The following RRM2 variants were observed in gnomAD, a reference collection of about 807,000 sequenced individuals.
RRM2 encodes the protein ribonucleotide reductase regulatory subunit M2.
Under a neutral mutation model 45.9 loss-of-function variants are expected in RRM2, and 6 were observed. The ratio of observed to expected loss-of-function variants is 0.13; its 90% CI spans 0.07 to 0.26. The LOEUF is 0.26. Among genes scored for constraint, RRM2 ranks in the 10% least tolerant of loss-of-function variants. The pLI is 1.00. For missense variants in RRM2, 343 were observed against 489.5 expected, an observed-to-expected ratio of 0.70 and a Z score of 2.82; for synonymous variants, 177 against 173.0, an observed-to-expected ratio of 1.02 and a Z score of -0.18.
chr2:10,199,970 T>C (rs1037224861), intron 3 of RRM2, among the ~76,000 whole-genome samples: 13 of 151,800 alleles, frequency 8.6e-5, no homozygotes, highest in Non-Finnish European at 1.5e-5. Flanking sequence ...GTAGCTGGGA[T>C]TACAGGCATG....
chr2:10,204,056 T>A lies in RRM2; in HGVS notation n.483-6255T>A, dbSNP rs778306532. ...AGTCCTTGTGATTTTCTGAGCATAC[T>A]TTAGCCTTCTAGCACACTCCTCTCT... On this transcript the variant is annotated intron_variant and non_coding_transcript_variant, in intron 3 of 3. Transcript: ENST00000381786. The surrounding 1 kb of genome is among the most constrained non-coding windows in gnomAD (Gnocchi z 4.0). 6.6e-6 allele frequency among the ~76,000 whole-genome samples: 1 copy of A among 152,098 alleles called. No homozygotes were observed. Among genetic ancestry groups the A allele is most frequent in the Non-Finnish European group, 1.5e-5 (1 of 68,026 alleles).
At chr2:10,187,696 T>G (rs1664197601) in intron 3 of RRM2, among the ~76,000 whole-genome samples, 1 of 152,188 alleles carries the variant, frequency 6.6e-6, no homozygotes, top group African/African-American at 2.4e-5. Context: ...TGCCTACCTC[T>G]TGGGCTTGCC....
intron 3 of RRM2, chr2:10,210,255 G>T (rs571082807): frequency 8.3e-7 from 1 of 1,206,078 alleles, no homozygotes; most frequent in Non-Finnish European, 1.1e-6. Context: ...GAATTTGGGG[G>T]CATGGGTTGG....
In RRM2 at chr2:10,129,495, A is replaced by G. The variant is rs1662853020; in HGVS notation, c.*109A>G. ...ACACCATGAATTGTCCGTAATGTTC[A>G]TTAACAGCATCTTTAAAACTGTGTA... On this transcript the variant is annotated 3_prime_UTR_variant, in exon 10 of 10. Transcript: ENST00000304567. This position sits in a 1 kb window ranked among gnomAD's most constrained non-coding sequence, Gnocchi z 4.8. 6.2e-6 allele frequency: 7 copies of G among 1,120,332 alleles called. No individual in the cohort carries two copies. The South Asian group carries it at 1.1e-4, about 17-fold the overall frequency. The allele number at this position is 1,120,332 out of a possible 1,614,324, so 69.4% of individuals were successfully genotyped here. A position where few individuals can be genotyped will look rare whatever the true frequency, so the allele number is the denominator to read the frequency against.
At chr2:10,190,230 GTGA>G (rs1664260881) in intron 3 of RRM2, among the ~76,000 whole-genome samples, 1 of 150,652 alleles carries the variant, frequency 6.6e-6, no homozygotes, top group African/African-American at 2.4e-5. Flanking sequence ...GATAGTGATG[GTGA>G]TGATGGTGGT....
intron 3 of RRM2, among the ~76,000 whole-genome samples, chr2:10,166,793 G>A (rs114554324): frequency 0.01 from 1,587 of 152,304 alleles, 22 homozygotes; most frequent in African/African-American, 0.035. Flanking sequence ...CAGGCCCTGC[G>A]TCCCCGCCTG....
In RRM2 at chr2:10,195,301, G is replaced by A. The variant is rs1572530750; in HGVS notation, n.483-15010G>A. Among the ~76,000 whole-genome samples the A allele has an allele frequency of 6.6e-6, 1 of 152,160 alleles. No individual in the cohort carries two copies. Among genetic ancestry groups the A allele is most frequent in the East Asian group, 1.9e-4 (1 of 5,178 alleles). On this transcript the variant is annotated intron_variant and non_coding_transcript_variant, in intron 3 of 3. Transcript: ENST00000381786. This position sits in a 1 kb window ranked among gnomAD's most constrained non-coding sequence, Gnocchi z 4.9. ...GCTTCACAGAGGAGGCAGCGGCTCA[G>A]GTGGTCCCAGGAGGATGGGTGGGGT...
At chr2:10,140,188 A>G (rs1457172872), upstream of RRM2, among the ~76,000 whole-genome samples, 1 of 152,168 alleles carries the variant, frequency 6.6e-6, no homozygotes, top group Non-Finnish European at 1.5e-5. Flanking sequence ...CGGAGGTTGC[A>G]GTGAGCCGAG....
At position 10,150,157 on chromosome 2, in the gene RRM2, C is replaced by T. The variant is rs372600793; in HGVS notation, n.482+7782C>T. 5.7e-4 allele frequency among the ~76,000 whole-genome samples: 87 copies of T among 151,830 alleles called. 1 individual carries two copies. The highest frequency in any genetic ancestry group is 2.1e-3 in the African/African-American group (87 of 41,440). On this transcript the variant is annotated intron_variant and non_coding_transcript_variant, in intron 3 of 3. Transcript: ENST00000381786. ...GGTGAAACCCCATCTCTACTAAAAA[C>T]ACAAAATTAGCCGGGCGTGGTGGTG...
chr2:10,143,998 C>T (rs1195699249), intron 3 of RRM2, among the ~76,000 whole-genome samples: 1 of 152,242 alleles, frequency 6.6e-6, no homozygotes, highest in Non-Finnish European at 1.5e-5. Flanking sequence ...TCCTCCTCTC[C>T]CGTCTCCACC....
intron 1 of RRM2, 28 bp downstream of exon 1, chr2:10,122,925 C>T (rs2125305351): frequency 6.4e-7 from 1 of 1,555,468 alleles, no homozygotes; most frequent in East Asian, 2.3e-5. Flanking sequence ...GCGCTGCGGG[C>T]AGGGGAGGGA....
At chr2:10,167,218 A>C (rs1203260339) in intron 3 of RRM2, among the ~76,000 whole-genome samples, 1 of 152,152 alleles carries the variant, frequency 6.6e-6, no homozygotes, top group Non-Finnish European at 1.5e-5. Flanking sequence ...CCTGCCCCAT[A>C]AGAAGCGCTC....
chr2:10,137,982 C>T (rs2125310862), upstream of RRM2, among the ~76,000 whole-genome samples: 1 of 152,092 alleles, frequency 6.6e-6, no homozygotes. Flanking sequence ...CAGCAAAGGG[C>T]TGACTTTAGG....
rs1465296890 is a variant in RRM2, at chr2:10,189,071, C to G, written n.483-21240C>G. Among the ~76,000 whole-genome samples the G allele has an allele frequency of 2.0e-5, 3 of 152,186 alleles. No individual in the cohort carries two copies. In the East Asian group the frequency reaches 5.8e-4, roughly 29 times the overall value. On this transcript the variant is annotated intron_variant and non_coding_transcript_variant, in intron 3 of 3. Transcript: ENST00000381786. The stretch of plus-strand genomic sequence containing the variant: ...AGGGCACACAGGTAATCCTCCAGTT[C>G]TTGAATGGGGAATGGAGGCACAGGA...
chr2:10,180,109 G>T (rs911058844), intron 3 of RRM2, among the ~76,000 whole-genome samples: 4 of 152,200 alleles, frequency 2.6e-5, no homozygotes, highest in African/African-American at 9.6e-5. Flanking sequence ...CTGGGTCTCA[G>T]CTGAGGCTTA....
chr2:10,164,084 A>C (rs1050965962), intron 3 of RRM2, among the ~76,000 whole-genome samples: 11 of 151,882 alleles, frequency 7.2e-5, no homozygotes, highest in Non-Finnish European at 1.2e-4. Flanking sequence ...GTGAGTGTGC[A>C]TATGAGTGTG....
intron 3 of RRM2, among the ~76,000 whole-genome samples, chr2:10,193,063 C>T (rs1664344450): frequency 6.6e-6 from 1 of 152,174 alleles, no homozygotes; most frequent in South Asian, 2.1e-4. Flanking sequence ...TACAGGAGCT[C>T]TGCAGAGGCC....
intron 3 of RRM2, among the ~76,000 whole-genome samples, chr2:10,168,292 T>A (rs1663724086): frequency 1.3e-5 from 2 of 151,980 alleles, no homozygotes; most frequent in Admixed American, 1.3e-4. Flanking sequence ...CAATAAAATG[T>A]GCCTTCTTAC....
At chr2:10,123,095 C>T (rs1245507997) in intron 2 of RRM2, 38 bp downstream of exon 2, 2 of 1,520,400 alleles carry the variant, frequency 1.3e-6, no homozygotes, top group Admixed American at 2.0e-5. Flanking sequence ...CCAGGGACGG[C>T]CTTGGGCGTC....
Sources: gnomAD v4.1 joint callset for allele counts (sites outside exome capture counted in the v4.1 genomes callset) on GRCh38, gnomAD v4.1.1 for gene constraint, Gnocchi (gnomAD v3.1) non-coding constraint, MANE v1.5 for transcripts, NCBI Gene and HGNC (gene_info 2026-07-23, HGNC 2026-07-21) for gene names.